The following CAMSAP3 variants were observed in gnomAD, a reference collection of about 807,000 sequenced individuals.
CAMSAP3 encodes calmodulin regulated spectrin associated protein family member 3.
A neutral mutation model predicts 112.5 loss-of-function variants in CAMSAP3; 34 were observed. That is an observed-to-expected ratio of 0.30 (90% CI 0.23 to 0.40). CAMSAP3 has a LOEUF of 0.40. Among genes scored for constraint, CAMSAP3 ranks in the 10% least tolerant of loss-of-function variants. CAMSAP3 has a pLI of 1.00. For synonymous variants in CAMSAP3, 868 were observed against 799.8 expected (o/e 1.09, Z -1.44); for missense variants, 1,602 against 1,770.3 (o/e 0.90, Z 1.71).
At position 7,616,567 on chromosome 19, in the gene CAMSAP3, T is replaced by A; in HGVS notation, c.3157T>A (p.Ser1053Thr). 6.2e-7 allele frequency: 1 copy of A among 1,612,794 alleles called. No individual in the cohort carries two copies. ...KIYSQSTLSLSTVANEAHNNL... is the reference protein window; with the variant it reads ...KIYSQSTLSLTTVANEAHNNL... Reference sequence around the variant, plus strand: ...CTATTCCCAGTCCACCCTGTCACTGTCCACTGTGGCCAACGAGGCCCACAA... The same window carrying A: ...CTATTCCCAGTCCACCCTGTCACTGACCACTGTGGCCAACGAGGCCCACAA... The change falls in exon 14 of 17, where the codon TCC becomes ACC. Residue 1053 changes from serine (S) to threonine (T), a missense_variant. Around this residue, in one of 6 missense-constraint regions of CAMSAP3, gnomAD observed 1,100 missense variants for 1,135.7 expected, o/e 0.97. Coordinates refer to ENST00000160298, the MANE Select transcript of CAMSAP3 (RefSeq NM_020902.2).
In CAMSAP3 at chr19:7,615,237, C is replaced by A; in HGVS notation, c.2725C>A (p.Arg909=). 6.4e-7 allele frequency: 1 copy of A among 1,551,530 alleles called. No individual in the cohort carries two copies. Among genetic ancestry groups the A allele is most frequent in the Non-Finnish European group, 8.7e-7 (1 of 1,147,702 alleles). ...CCAAAAGCGGGCCAGCCTGCTGGAGCGGCAGCAGCGGCGAGCAGAGGAGGC... is the reference window on the plus strand; with the variant it reads ...CCAAAAGCGGGCCAGCCTGCTGGAGAGGCAGCAGCGGCGAGCAGAGGAGGC... ...MAQKRASLLE[R]QQRRAEEARR... Residue 909 remains arginine, a synonymous_variant, in exon 12 of 17, where the codon CGG becomes AGG. Transcript: ENST00000160298. The surrounding 1 kb of genome is among the most constrained non-coding windows in gnomAD (Gnocchi z 6.5).
Position 7,618,068 on chromosome 19 carries a change from G to T in CAMSAP3, c.*11G>T, listed in dbSNP as rs1391491600. ...GGCACCCCCAAATAGCCCCACCCGG[G>T]CGGTCCACGGGCCGGGCCCTGTGTG... On this transcript the variant is annotated 3_prime_UTR_variant, in exon 17 of 17. Coordinates refer to ENST00000160298, the MANE Select transcript of CAMSAP3 (RefSeq NM_020902.2). The T allele has an allele frequency of 5.6e-6, 9 of 1,606,924 alleles. No homozygotes were observed. The highest frequency in any genetic ancestry group is 7.6e-6 in the Non-Finnish European group (9 of 1,177,150).
Position 7,612,670 on chromosome 19 carries a change from G to T in CAMSAP3, c.2177G>T (p.Arg726Leu), listed in dbSNP as rs1351884933. 2 of 1,512,640 alleles carry T rather than the reference G, an allele frequency of 1.3e-6. No homozygotes were observed. The highest frequency in any genetic ancestry group is 1.8e-6 in the Non-Finnish European group (2 of 1,132,350). 93.7% of individuals were successfully genotyped at this position (1,512,640 alleles called of 1,614,324 possible). A position where few individuals can be genotyped will look rare whatever the true frequency, so the allele number is the denominator to read the frequency against. ...DMQRLTDQQQRLLAPPEAPGS... is the reference protein window; with the variant it reads ...DMQRLTDQQQLLLAPPEAPGS... ...CAGAGGCTCACGGACCAGCAGCAGC[G>T]GCTCCTGGCCCCGCCCGAGGCCCCC... The change falls in exon 11 of 17, where the codon CGG becomes CTG. Residue 726 changes from arginine to leucine, a missense_variant. By Grantham distance (102) the Arg-to-Leu change is moderately radical. Around this residue, in one of 6 missense-constraint regions of CAMSAP3, gnomAD observed 1,100 missense variants for 1,135.7 expected, o/e 0.97. Transcript: ENST00000160298.
intron 1 of CAMSAP3, among the ~76,000 whole-genome samples, chr19:7,601,423 A>AT (rs1277564031): frequency 6.6e-6 from 1 of 151,928 alleles, no homozygotes; most frequent in South Asian, 2.1e-4. Flanking sequence ...GGTTCAAGTG[A>AT]TTCTCGTGCC....
rs2030457988 is a variant in CAMSAP3, at chr19:7,611,057, G to A, written c.1050-38G>A. 6.2e-7 allele frequency: 1 copy of A among 1,611,168 alleles called. No individual in the cohort carries two copies. The highest frequency in any genetic ancestry group is 1.7e-5 in the Admixed American group (1 of 59,956). On this transcript the variant is annotated intron_variant, in intron 8 of 16. Transcript: ENST00000160298. This position sits in a 1 kb window ranked among gnomAD's most constrained non-coding sequence, Gnocchi z 6.9. ...CCCCCGGGGAGAGGCGGAGGAGGAG[G>A]TGGGGGTCCTGAGGCTGAAGTACGT...
At chr19:7,605,614 T>A in intron 2 of CAMSAP3, 135 bp downstream of exon 2, 2 of 1,049,006 alleles carry the variant, frequency 1.9e-6, no homozygotes, top group Non-Finnish European at 1.3e-6. Flanking sequence ...CGATTAAGCC[T>A]AGCTCCTCCC....
At chr19:7,614,336 GTTTTGTTTTC>G (rs2030669704) in intron 11 of CAMSAP3, among the ~76,000 whole-genome samples, 1 of 104,320 alleles carries the variant, frequency 9.6e-6, no homozygotes, top group Non-Finnish European at 1.8e-5. Context: ...TTTTTTTTTT[GTTTTGTTTTC>G]TTTTGTTTTT....
rs1021037707 is a variant in CAMSAP3 at position 7,616,409 on chromosome 19, G to C, written c.3113-114G>C. On this transcript the variant is annotated intron_variant, in intron 13 of 16. Transcript: ENST00000160298. ...CCCCATAGGGGTGCTGCAGAGGGCCGAGGGGTCTTGGGCAGGACTGACTCC... is the reference window on the plus strand; with the variant it reads ...CCCCATAGGGGTGCTGCAGAGGGCCCAGGGGTCTTGGGCAGGACTGACTCC... 1.2e-5 allele frequency: 9 copies of C among 775,138 alleles called. No homozygotes were observed. The East Asian group carries it at 2.0e-4, about 18-fold the overall frequency. The allele number at this position is 775,138 out of a possible 1,614,324, so 48.0% of individuals were successfully genotyped here. A position where few individuals can be genotyped will look rare whatever the true frequency, so the allele number is the denominator to read the frequency against.
At chr19:7,606,971 T>G (rs1471361798) in intron 4 of CAMSAP3, among the ~76,000 whole-genome samples, 1 of 152,048 alleles carries the variant, frequency 6.6e-6, no homozygotes, top group Non-Finnish European at 1.5e-5. Flanking sequence ...AGAACCCCTC[T>G]GTGAACCAAG....
chr19:7,613,266 C>T (rs2030607711), intron 11 of CAMSAP3, 103 bp downstream of exon 11: 2 of 27,994 alleles, frequency 7.1e-5, no homozygotes, highest in East Asian at 2.1e-3. Flanking sequence ...TAGGGCTTTA[C>T]TGAAGGATGG....
rs2030474332 is a variant in CAMSAP3 at position 7,611,319 on chromosome 19, C to T, written c.1123+151C>T. The stretch of plus-strand genomic sequence containing the variant: ...CCAAAGTGACCCCCAGAATGGCCTC[C>T]CCAGTGGCCCCACAGTACCCCGTAG... On this transcript the variant is annotated intron_variant, in intron 9 of 16. Coordinates refer to ENST00000160298, the MANE Select transcript of CAMSAP3 (RefSeq NM_020902.2). The surrounding 1 kb of genome is among the most constrained non-coding windows in gnomAD (Gnocchi z 6.9). The T allele has an allele frequency of 2.2e-6, 2 of 895,466 alleles. No homozygotes were observed. The highest frequency in any genetic ancestry group is 1.6e-5 in the South Asian group (1 of 63,714). 55.5% of individuals were successfully genotyped at this position (895,466 alleles called of 1,614,324 possible).
At position 7,596,013 on chromosome 19, in the gene CAMSAP3, C is replaced by T; in HGVS notation, c.11C>T (p.Ala4Val). Residue 4 changes from alanine to valine, a missense_variant, in exon 1 of 17, where the codon GCG (alanine) becomes GTG (valine). This residue lies in a region of CAMSAP3 where 147 missense variants were observed against 144.6 expected (regional missense o/e 1.02). Coordinates refer to ENST00000160298, the MANE Select transcript of CAMSAP3 (RefSeq NM_020902.2). MVE[A>V]APPGPGPLRR... The stretch of plus-strand genomic sequence containing the variant: ...AGCCCCGGCGCCGCCATGGTGGAGG[C>T]GGCGCCCCCCGGGCCCGGGCCGCTG... The T allele has an allele frequency of 8.8e-7, 1 of 1,140,104 alleles. No individual in the cohort carries two copies. The highest frequency in any genetic ancestry group is 4.6e-5 in the Admixed American group (1 of 21,956). The allele number at this position is 1,140,104 out of a possible 1,614,324, so 70.6% of individuals were successfully genotyped here. A position where few individuals can be genotyped will look rare whatever the true frequency, so the allele number is the denominator to read the frequency against.
intron 1 of CAMSAP3, among the ~76,000 whole-genome samples, chr19:7,599,408 T>TCATC (rs1400455143): frequency 1.2e-5 from 1 of 85,536 alleles, no homozygotes; most frequent in East Asian, 3.9e-4. Context: ...ACCCATTCAT[T>TCATC]CATCCATCCA....
rs1255007781 is a variant in CAMSAP3 at position 7,617,652 on chromosome 19, C to T, written c.3435C>T (p.Arg1145=). Residue 1145 remains arginine, a synonymous_variant, in exon 16 of 17, where the codon CGC becomes CGT. Coordinates refer to ENST00000160298, the MANE Select transcript of CAMSAP3 (RefSeq NM_020902.2). The surrounding 1 kb of genome is among the most constrained non-coding windows in gnomAD (Gnocchi z 7.5). ...AGGTGAACGAACCGCAGAAGAATCGCATTCTGGAGGTGAGCCCGCCCACAC... is the reference window on the plus strand; with the variant it reads ...AGGTGAACGAACCGCAGAAGAATCGTATTCTGGAGGTGAGCCCGCCCACAC... ...AGKVNEPQKN[R]ILEEIEKSKA... is the part of the protein sequence containing the mutation. 23 of 1,613,878 alleles carry T rather than the reference C, an allele frequency of 1.4e-5. No individual in the cohort carries two copies. Among genetic ancestry groups the T allele is most frequent in the Admixed American group, 1.0e-4 (6 of 60,002 alleles).
chr19:7,596,085 AT>A lies in CAMSAP3; in HGVS notation c.86del (p.Phe29SerfsTer42). On this transcript the variant is annotated frameshift_variant, in exon 1 of 17. Transcript: ENST00000160298. LOFTEE classifies it high-confidence loss of function. ...GAGATCAAGTCGCTGGACCAGTACG[AT>A]TTCTCGCGGGCCAAGGCGGCGGCCA... ...VPEIKSLDQY[D>X]FSRAKAAASL... 1 of 1,260,606 alleles carries A rather than the reference AT, an allele frequency of 7.9e-7. No individual in the cohort carries two copies. Among genetic ancestry groups the A allele is most frequent in the South Asian group, 1.5e-5 (1 of 68,816 alleles). The allele number at this position is 1,260,606 out of a possible 1,614,324, so 78.1% of individuals were successfully genotyped here. A position where few individuals can be genotyped will look rare whatever the true frequency, so the allele number is the denominator to read the frequency against.
At chr19:7,599,764 C>T (rs2029868111) in intron 1 of CAMSAP3, among the ~76,000 whole-genome samples, 1 of 116,346 alleles carries the variant, frequency 8.6e-6, no homozygotes, top group Non-Finnish European at 1.8e-5. Flanking sequence ...CGCACTCATC[C>T]ATCCACCCAC....
Position 7,596,017 on chromosome 19 carries a change from G to A in CAMSAP3, c.15G>A (p.Ala5=). Residue 5 remains alanine (A), a synonymous_variant, in exon 1 of 17, where the codon GCG becomes GCA. Coordinates refer to ENST00000160298, the MANE Select transcript of CAMSAP3 (RefSeq NM_020902.2). MVEA[A]PPGPGPLRRT... ...CCGGCGCCGCCATGGTGGAGGCGGC[G>A]CCCCCCGGGCCCGGGCCGCTGCGGA... is the stretch of plus-strand genomic sequence containing the variant. 1 of 1,153,536 alleles carries A rather than the reference G, an allele frequency of 8.7e-7. No individual in the cohort carries two copies. 71.5% of individuals were successfully genotyped at this position (1,153,536 alleles called of 1,614,324 possible).
chr19:7,616,788 C>G (rs972212472), intron 14 of CAMSAP3, among the ~76,000 whole-genome samples, 166 bp downstream of exon 14: 3 of 152,062 alleles, frequency 2.0e-5, no homozygotes, highest in African/African-American at 7.2e-5. Flanking sequence ...GGGGCATAGT[C>G]TGTACCTGGC....
chr19:7,618,275 C>T lies in CAMSAP3; in HGVS notation c.*218C>T, dbSNP rs528194829. ...CTCAGTCCCCTTGTCTGTCCTCCCC[C>T]ACTTCTTGAATAAAATAATTTAAAG... On this transcript the variant is annotated 3_prime_UTR_variant, in exon 17 of 17. Transcript: ENST00000160298. 3 of 559,332 alleles carry T rather than the reference C, an allele frequency of 5.4e-6. No homozygotes were observed. Among genetic ancestry groups the T allele is most frequent in the Non-Finnish European group, 9.4e-6 (3 of 318,256 alleles). The allele number at this position is 559,332 out of a possible 1,614,324, so 34.6% of individuals were successfully genotyped here. A position where few individuals can be genotyped will look rare whatever the true frequency, so the allele number is the denominator to read the frequency against.
Sources: allele counts gnomAD v4.1 joint callset (sites outside exome capture counted in the v4.1 genomes callset), GRCh38; gene constraint gnomAD v4.1.1; regional missense constraint gnomAD v4.1.1; non-coding constraint Gnocchi (gnomAD v3.1); transcripts MANE v1.5; gene names NCBI Gene and HGNC (gene_info 2026-07-23, HGNC 2026-07-21).